Variants in RYR3 observed in about 807,000 individuals in gnomAD.
RYR3 encodes ryanodine receptor 3.
In RYR3, 207 loss-of-function variants were observed where a neutral mutation model predicts 584.3. The observed-to-expected ratio is 0.35, with a 90% CI of 0.32 to 0.40. The LOEUF (loss-of-function observed/expected upper bound fraction) is 0.40, where lower values mean the gene tolerates loss of function less well. Ranked by LOEUF, RYR3 falls within the 10% of genes least tolerant of loss-of-function variation. The pLI, the probability that RYR3 is intolerant of heterozygous loss-of-function variation, is 1.00. For synonymous variants in RYR3, 2,416 were observed against 2,248.5 expected, an observed-to-expected ratio of 1.07 and a Z score of -2.11; for missense variants, 5,616 against 6,089.2, an observed-to-expected ratio of 0.92 and a Z score of 2.59.
intron 16 of RYR3, among the ~76,000 whole-genome samples, chr15:33,595,760 AC>A (rs2152540790): frequency 6.6e-6 from 1 of 152,334 alleles, no homozygotes. Flanking sequence ...ACTCAATGTT[AC>A]AAGAACTTTA....
At chr15:33,576,288 A>G (rs1294152011) in intron 12 of RYR3, among the ~76,000 whole-genome samples, 1 of 152,238 alleles carries the variant, frequency 6.6e-6, no homozygotes, top group Non-Finnish European at 1.5e-5. Context: ...AATCATCCTG[A>G]TACCAAAACC....
rs1275611926 is a variant in RYR3, at chr15:33,636,538, G to A, written c.3544G>A (p.Glu1182Lys). Residue 1182 changes from glutamate to lysine, a missense_variant, in exon 27 of 104, where the codon GAG (glutamate) becomes AAG (lysine). Physicochemically the swap from Glu to Lys is moderately conservative, Grantham distance 56. This residue lies in a region of RYR3 where 152 missense variants were observed against 200.9 expected (regional missense o/e 0.76). Coordinates refer to ENST00000634891, the MANE Select transcript of RYR3 (RefSeq NM_001036.6). Reference sequence around the variant, plus strand: ...CTCTGAACTTGCCTTCGCTGACTACGAGATTGAGAATGGTAAATCTAACAC... The same window carrying A: ...CTCTGAACTTGCCTTCGCTGACTACAAGATTGAGAATGGTAAATCTAACAC... ...KGSELAFADY[E>K]IENGFVPICC... The A allele has an allele frequency of 3.8e-6, 6 of 1,591,798 alleles. No homozygotes were observed. The highest frequency in any genetic ancestry group is 5.1e-6 in the Non-Finnish European group (6 of 1,170,028).
chr15:33,699,953 G>C, intron 41 of RYR3, 120 bp downstream of exon 41: 2 of 963,116 alleles, frequency 2.1e-6, no homozygotes, highest in Admixed American at 2.7e-5. Flanking sequence ...GTAAATACTA[G>C]AAGAGACTCT....
intron 79 of RYR3, 25 bp downstream of exon 79, chr15:33,821,394 G>T: frequency 6.3e-7 from 1 of 1,587,824 alleles, no homozygotes; most frequent in South Asian, 1.1e-5. Context: ...TTCTGGATGG[G>T]CTTATGTAAC....
chr15:33,437,972 T>G (rs954081325), intron 1 of RYR3, among the ~76,000 whole-genome samples: 1 of 152,158 alleles, frequency 6.6e-6, no homozygotes, highest in Non-Finnish European at 1.5e-5. Context: ...TCCACCTGCT[T>G]CAGCCTCCCA....
chr15:33,721,600 G>C (rs1171960721), intron 43 of RYR3, among the ~76,000 whole-genome samples: 1 of 152,108 alleles, frequency 6.6e-6, no homozygotes, highest in African/African-American at 2.4e-5. Context: ...TTGCCTTTGA[G>C]TATTGAGTTC....
At chr15:33,574,748 T>C (rs1285077881) in intron 12 of RYR3, among the ~76,000 whole-genome samples, 5 of 152,144 alleles carry the variant, frequency 3.3e-5, no homozygotes, top group Non-Finnish European at 7.3e-5. Context: ...TAAGCAAATA[T>C]ACTGTAAATG....
At position 33,331,881 on chromosome 15, in the gene RYR3, T is replaced by A. The variant is rs80035421; in HGVS notation, c.51+20785T>A. 5.3e-3 allele frequency among the ~76,000 whole-genome samples: 807 copies of A among 152,142 alleles called. 14 individuals are homozygous for A. In the East Asian group the frequency reaches 0.068, roughly 13 times the overall value. ...ATGTATCCAAAATTTTGGATAATAA[T>A]TGCATGTAAATAGCATGAAAAGTGG... is the stretch of plus-strand genomic sequence containing the variant. On this transcript the variant is annotated intron_variant, in intron 1 of 103. Coordinates refer to ENST00000634891, the MANE Select transcript of RYR3 (RefSeq NM_001036.6).
intron 36 of RYR3, among the ~76,000 whole-genome samples, chr15:33,665,048 T>C (rs2063418415): frequency 6.6e-6 from 1 of 152,198 alleles, no homozygotes; most frequent in Admixed American, 6.5e-5. Context: ...AAGTGTGCTA[T>C]TTTTCCAAGA....
At chr15:33,862,175 GCTCTTC>G (rs1888498810) in intron 102 of RYR3, among the ~76,000 whole-genome samples, 1 of 151,538 alleles carries the variant, frequency 6.6e-6, no homozygotes, top group African/African-American at 2.4e-5. Context: ...CCCCAGCCTA[GCTCTTC>G]CCCCTTCTCT....
At chr15:33,349,051 T>C (rs1015550215) in intron 1 of RYR3, among the ~76,000 whole-genome samples, 25 of 151,886 alleles carry the variant, frequency 1.6e-4, no homozygotes, top group Non-Finnish European at 2.8e-4. Flanking sequence ...TTCTTTTGCT[T>C]AGCAATATGC....
chr15:33,334,892 G>C (rs1595749530), intron 1 of RYR3, among the ~76,000 whole-genome samples: 1 of 151,348 alleles, frequency 6.6e-6, no homozygotes, highest in East Asian at 1.9e-4. Context: ...TTCTCCAAAA[G>C]AAGACATACA....
chr15:33,440,749 G>T (rs576123777), intron 1 of RYR3, among the ~76,000 whole-genome samples: 14 of 152,220 alleles, frequency 9.2e-5, no homozygotes, highest in African/African-American at 3.4e-4. Context: ...TGGTAGAGCC[G>T]TAAAACCTGG....
intron 27 of RYR3, among the ~76,000 whole-genome samples, chr15:33,641,111 A>T (rs2061798639): frequency 6.6e-6 from 1 of 152,210 alleles, no homozygotes; most frequent in South Asian, 2.1e-4. Context: ...TCTAGAGACA[A>T]ACAGGTGAAC....
chr15:33,613,236 G>A lies in RYR3; in HGVS notation c.2218G>A (p.Asp740Asn). The A allele has an allele frequency of 6.2e-7, 1 of 1,613,972 alleles. No homozygotes were observed. Among genetic ancestry groups the A allele is most frequent in the Non-Finnish European group, 8.5e-7 (1 of 1,179,870 alleles). ...SINQHLLRSD[D>N]VVSCCLDLGV... Reference sequence around the variant, plus strand: ...CAACCAGCACCTCCTGAGATCGGATGACGTGGTAAGCTGCTGCCTGGACCT... The same window carrying A: ...CAACCAGCACCTCCTGAGATCGGATAACGTGGTAAGCTGCTGCCTGGACCT... Residue 740 changes from aspartate (D) to asparagine (N), a missense_variant, in exon 19 of 104, where the codon GAC becomes AAC. Coordinates refer to ENST00000634891, the MANE Select transcript of RYR3 (RefSeq NM_001036.6).
intron 1 of RYR3, among the ~76,000 whole-genome samples, chr15:33,361,557 A>G (rs183519946): frequency 7.2e-5 from 11 of 152,350 alleles, no homozygotes; most frequent in Admixed American, 6.5e-4. Flanking sequence ...AAGGTAAAAG[A>G]GACTGCAAGG....
intron 1 of RYR3, among the ~76,000 whole-genome samples, chr15:33,424,782 A>T (rs563321269): frequency 7.9e-5 from 12 of 152,154 alleles, no homozygotes; most frequent in Admixed American, 7.8e-4. Flanking sequence ...ATCATATCTT[A>T]TTTATATGAT....
At chr15:33,652,474 A>G (rs1168702535) in intron 31 of RYR3, among the ~76,000 whole-genome samples, 2 of 152,114 alleles carry the variant, frequency 1.3e-5, no homozygotes, top group Admixed American at 6.5e-5. Flanking sequence ...TTCTCTGAAC[A>G]TTGTGCTTTT....
chr15:33,383,984 ATTATC>A (rs2041390263), intron 1 of RYR3, among the ~76,000 whole-genome samples: 1 of 152,192 alleles, frequency 6.6e-6, no homozygotes, highest in Non-Finnish European at 1.5e-5. Context: ...GATGGAGGCC[ATTATC>A]TTATGTCAAT....
Sources: gnomAD v4.1 joint callset for allele counts (sites outside exome capture counted in the v4.1 genomes callset) on GRCh38, gnomAD v4.1.1 for gene constraint, gnomAD v4.1.1 regional missense constraint, MANE v1.5 for transcripts, NCBI Gene and HGNC (gene_info 2026-07-23, HGNC 2026-07-21) for gene names.